PC: variants seen among roughly 807,000 people sequenced by gnomAD.
PC encodes the protein pyruvate carboxylase.
A neutral mutation model predicts 107.8 loss-of-function variants in PC; 46 were observed. That is an observed-to-expected ratio of 0.43 (90% CI 0.34 to 0.55). The LOEUF is 0.55. PC is among the 20% of genes least tolerant of loss of function. The probability of loss-of-function intolerance (pLI) is 0.04; values close to 1 mark genes in which losing one functional copy is unlikely to be tolerated. For missense variants in PC, 1,241 were observed against 1,643.1 expected (o/e 0.76, Z 4.23); for synonymous variants, 662 against 684.7 (o/e 0.97, Z 0.52).
chr11:66,894,877 T>C lies in PC; in HGVS notation c.1-22718A>G, dbSNP rs370624911. ...TATCTACTAAAAATACAAAAATCAG[T>C]TGGGCGTGGTGGCATGCACCTGTAG... On this transcript the variant is annotated intron_variant, in intron 3 of 22. Coordinates refer to ENST00000393960, the MANE Select transcript of PC (RefSeq NM_001040716.2). Among the ~76,000 whole-genome samples, 59 of 152,026 alleles carry C rather than the reference T, an allele frequency of 3.9e-4. 1 individual carries two copies. The highest frequency in any genetic ancestry group is 1.3e-3 in the African/African-American group (55 of 41,468).
chr11:66,879,667 C>T (rs1025454102), intron 3 of PC, among the ~76,000 whole-genome samples: 25 of 152,156 alleles, frequency 1.6e-4, no homozygotes, highest in Admixed American at 1.2e-3. Context: ...TGGCATGGGC[C>T]GCTGGCTGCA....
intron 3 of PC, among the ~76,000 whole-genome samples, chr11:66,880,295 C>T (rs1947141397): frequency 6.6e-6 from 1 of 152,176 alleles, no homozygotes; most frequent in African/African-American, 2.4e-5. Flanking sequence ...GTGGAATAAG[C>T]CGACTCTGGG....
In PC at chr11:66,857,821, T is replaced by C; in HGVS notation, c.1369-4438A>G. The C allele has an allele frequency of 6.2e-7, 1 of 1,603,786 alleles. No individual in the cohort carries two copies. Among genetic ancestry groups the C allele is most frequent in the Non-Finnish European group, 8.5e-7 (1 of 1,179,738 alleles). ...CCGCTGCCCTGCGTCTGCCAGAACC[T>C]GTCCGAGTCGCTCAGCACCCTCTGT... is the stretch of plus-strand genomic sequence containing the variant. On this transcript the variant is annotated intron_variant, in intron 12 of 22. Transcript: ENST00000393960. The surrounding 1 kb of genome is among the most constrained non-coding windows in gnomAD (Gnocchi z 7.1).
At chr11:66,956,238 A>C (rs1275536318) in intron 1 of PC, among the ~76,000 whole-genome samples, 1 of 151,940 alleles carries the variant, frequency 6.6e-6, no homozygotes, top group East Asian at 1.9e-4. Context: ...TGTTTCCCCC[A>C]CATTCTCCTT....
rs561692570 is a variant in PC, at chr11:66,892,803, C to G, written c.1-20644G>C. The stretch of plus-strand genomic sequence containing the variant: ...CCAGGACGTGGAGGTTGCAGTGAGC[C>G]AAGATGGCGCCACTGCATTCTAGCC... On this transcript the variant is annotated intron_variant, in intron 3 of 22. Transcript: ENST00000393960. Among the ~76,000 whole-genome samples the G allele has an allele frequency of 3.6e-4, 55 of 151,666 alleles. 1 individual carries two copies. The highest frequency in any genetic ancestry group is 3.5e-3 in the Admixed American group (53 of 15,252).
At chr11:66,948,786 G>A (rs1294817556) in intron 3 of PC, among the ~76,000 whole-genome samples, 1 of 152,034 alleles carries the variant, frequency 6.6e-6, no homozygotes, top group East Asian at 1.9e-4. Context: ...GTTGCAGTGA[G>A]CTGAGACTGT....
intron 3 of PC, among the ~76,000 whole-genome samples, chr11:66,949,948 G>A (rs891040270): frequency 2.0e-5 from 3 of 152,098 alleles, no homozygotes; most frequent in African/African-American, 7.2e-5. Context: ...CCAGTCACCC[G>A]AAACTCACCA....
At chr11:66,923,884 CAAAAAAAA>C (rs71045969) in intron 3 of PC, among the ~76,000 whole-genome samples, 1 of 111,018 alleles carries the variant, frequency 9.0e-6, no homozygotes, top group South Asian at 3.1e-4. Flanking sequence ...GACCTCAAGG[CAAAAAAAA>C]AAAAAAAAAA....
intron 11 of PC, among the ~76,000 whole-genome samples, chr11:66,865,242 T>C (rs1946442438): frequency 2.7e-5 from 4 of 150,000 alleles, no homozygotes; most frequent in Admixed American, 6.6e-5. Flanking sequence ...CCAGCCTCCC[T>C]TGTCTCAGAA....
chr11:66,942,204 C>CT (rs929857977), intron 3 of PC, among the ~76,000 whole-genome samples: 2 of 151,516 alleles, frequency 1.3e-5, no homozygotes, highest in African/African-American at 2.4e-5. Context: ...CGAGACCATC[C>CT]TGGCTAACAC....
intron 1 of PC, among the ~76,000 whole-genome samples, chr11:66,954,943 C>G: frequency 7.4e-6 from 1 of 135,812 alleles, no homozygotes; most frequent in Admixed American, 7.4e-5. Context: ...ACTCCGTCTC[C>G]AAAAAAAAAA....
At chr11:66,890,482 A>C (rs1452769585) in intron 3 of PC, among the ~76,000 whole-genome samples, 1 of 151,168 alleles carries the variant, frequency 6.6e-6, no homozygotes, top group South Asian at 2.1e-4. Context: ...AAATAAATAA[A>C]TAAATAAGGC....
At chr11:66,874,462 CA>C (rs1446582418) in intron 3 of PC, among the ~76,000 whole-genome samples, 1 of 152,136 alleles carries the variant, frequency 6.6e-6, no homozygotes, top group Non-Finnish European at 1.5e-5. Context: ...AACATAAAAA[CA>C]TACTCAAGAA....
chr11:66,884,689 T>G (rs1290114405), intron 3 of PC, among the ~76,000 whole-genome samples: 1 of 152,182 alleles, frequency 6.6e-6, no homozygotes, highest in Non-Finnish European at 1.5e-5. Context: ...ATCTTGGACT[T>G]CCAGCCTCCA....
intron 2 of PC, among the ~76,000 whole-genome samples, chr11:66,953,900 A>G (rs1949494709): frequency 6.6e-6 from 1 of 152,200 alleles, no homozygotes; most frequent in East Asian, 1.9e-4. Flanking sequence ...AGATGGATCT[A>G]ATAGGACCTT....
intron 3 of PC, among the ~76,000 whole-genome samples, chr11:66,942,700 C>T (rs1949170653): frequency 6.6e-6 from 1 of 152,020 alleles, no homozygotes; most frequent in South Asian, 2.1e-4. Context: ...TACCACTGAA[C>T]TGTACGCTGG....
At chr11:66,933,179 G>A (rs956348720) in intron 3 of PC, among the ~76,000 whole-genome samples, 10 of 152,048 alleles carry the variant, frequency 6.6e-5, no homozygotes, top group Non-Finnish European at 1.3e-4. Context: ...AGCTCTTCCA[G>A]AGGCCTCAGC....
intron 16 of PC, among the ~76,000 whole-genome samples, 198 bp from the exon 17 acceptor site, chr11:66,851,478 G>A (rs1945488724): frequency 6.6e-6 from 1 of 152,188 alleles, no homozygotes; most frequent in Admixed American, 6.5e-5. Context: ...CTAGGCCAGT[G>A]GCAGGCTGTG....
intron 3 of PC, among the ~76,000 whole-genome samples, chr11:66,912,267 T>C (rs10791894): frequency 0.52 from 78,668 of 151,934 alleles, 20,693 homozygotes; most frequent in Non-Finnish European, 0.55. Flanking sequence ...GTCAACACAC[T>C]GGAAAAGTCA....
Sources: allele counts gnomAD v4.1 joint callset (sites outside exome capture counted in the v4.1 genomes callset), GRCh38; gene constraint gnomAD v4.1.1; non-coding constraint Gnocchi (gnomAD v3.1); transcripts MANE v1.5; gene names NCBI Gene and HGNC (gene_info 2026-07-23, HGNC 2026-07-21).